The following SIK3 variants were observed in gnomAD, a reference collection of about 807,000 sequenced individuals.
The protein encoded by SIK3 is serine/threonine-protein kinase SIK3.
In SIK3, 28 loss-of-function variants were observed where a neutral mutation model predicts 144.2. The observed-to-expected ratio is 0.19, with a 90% CI of 0.14 to 0.27. SIK3 has a LOEUF of 0.27. Among genes scored for constraint, SIK3 ranks in the 10% least tolerant of loss-of-function variants. SIK3 has a pLI of 1.00. For missense variants in SIK3, 1,319 were observed against 1,776.0 expected (o/e 0.74, Z 4.62); for synonymous variants, 686 against 676.3 (o/e 1.01, Z -0.22).
intron 1 of SIK3, among the ~76,000 whole-genome samples, chr11:117,077,498 T>C (rs565108585): frequency 6.6e-6 from 1 of 152,346 alleles, no homozygotes; most frequent in Admixed American, 6.5e-5. Context: ...CTCTTTCTTT[T>C]CCTAATAGCT....
chr11:116,985,879 A>G (rs899158064), intron 1 of SIK3, among the ~76,000 whole-genome samples: 2 of 152,218 alleles, frequency 1.3e-5, no homozygotes, highest in Non-Finnish European at 2.9e-5. Context: ...GAAATTGAAG[A>G]ATTTACTGAC....
At chr11:116,982,048 A>T (rs1052260485) in intron 1 of SIK3, among the ~76,000 whole-genome samples, 1 of 152,120 alleles carries the variant, frequency 6.6e-6, no homozygotes, top group Admixed American at 6.5e-5. Flanking sequence ...CCCCTCTCCA[A>T]CCAGATCCAA....
At chr11:116,919,874 T>G (rs1946865821) in intron 4 of SIK3, among the ~76,000 whole-genome samples, 1 of 152,198 alleles carries the variant, frequency 6.6e-6, no homozygotes. Flanking sequence ...TCTCGCTTGC[T>G]TTCTCTCTTG....
At chr11:116,954,193 T>C (rs1470339027) in intron 2 of SIK3, 86 bp from the exon 3 acceptor site, 4 of 1,022,220 alleles carry the variant, frequency 3.9e-6, no homozygotes, top group Non-Finnish European at 6.0e-6. Context: ...TCTTTTCTCA[T>C]TTGAAATATT....
chr11:117,077,613 AACAAATC>A (rs1441007248), intron 1 of SIK3, among the ~76,000 whole-genome samples: 2 of 152,156 alleles, frequency 1.3e-5, no homozygotes, highest in East Asian at 3.8e-4. Context: ...TCTCAAGGGT[AACAAATC>A]AACAAGAGAT....
chr11:117,023,619 A>ATATATATATATATATATATATAT (rs374740569), intron 1 of SIK3, among the ~76,000 whole-genome samples: 6 of 99,802 alleles, frequency 6.0e-5, no homozygotes, highest in South Asian at 3.0e-4. Context: ...CAAAAAAAAA[A>ATATATATATATATATATATATAT]AAATATATAT....
chr11:117,055,518 T>C (rs530818722), intron 1 of SIK3, among the ~76,000 whole-genome samples: 6 of 152,224 alleles, frequency 3.9e-5, no homozygotes, highest in Middle Eastern at 6.8e-3. Flanking sequence ...CTGGTTTGGA[T>C]GAGGGAACAG....
At chr11:116,876,774 C>G in intron 7 of SIK3, 150 bp downstream of exon 7, 1 of 672,492 alleles carries the variant, frequency 1.5e-6, no homozygotes, top group Non-Finnish European at 2.7e-6. Flanking sequence ...TTTTACATTC[C>G]TTCTTGCTTG....
At chr11:117,070,757 T>C (rs1038019747) in intron 1 of SIK3, among the ~76,000 whole-genome samples, 14 of 139,078 alleles carry the variant, frequency 1.0e-4, no homozygotes, top group Middle Eastern at 7.7e-3. Context: ...TTTTTCTTTT[T>C]TTTTTTTTTT....
intron 4 of SIK3, among the ~76,000 whole-genome samples, chr11:116,914,301 T>C (rs1946499231): frequency 6.6e-6 from 1 of 150,662 alleles, no homozygotes; most frequent in Non-Finnish European, 1.5e-5. Context: ...CTCCACCTCC[T>C]GGGTTCAAGC....
chr11:116,966,685 T>C (rs908115235), intron 1 of SIK3, among the ~76,000 whole-genome samples: 1 of 132,790 alleles, frequency 7.5e-6, no homozygotes, highest in Non-Finnish European at 1.6e-5. Context: ...TTTAAAAAAG[T>C]AGTTTATTTC....
chr11:116,990,960 G>T (rs1003064022), intron 1 of SIK3, among the ~76,000 whole-genome samples: 3 of 152,152 alleles, frequency 2.0e-5, no homozygotes, highest in Non-Finnish European at 4.4e-5. Context: ...TACATTTACA[G>T]TGTGTCAAGA....
chr11:116,967,697 T>A (rs562381187), intron 1 of SIK3, among the ~76,000 whole-genome samples: 41 of 152,304 alleles, frequency 2.7e-4, no homozygotes, highest in African/African-American at 9.9e-4. Flanking sequence ...TTGTAATGCA[T>A]CCTCGGATGT....
intron 1 of SIK3, among the ~76,000 whole-genome samples, chr11:117,019,405 A>G (rs1951672629): frequency 6.6e-6 from 1 of 152,246 alleles, no homozygotes. Context: ...GGACACCAAT[A>G]CAAGTACTAA....
chr11:117,086,588 G>C, intron 1 of SIK3, among the ~76,000 whole-genome samples: 1 of 152,216 alleles, frequency 6.6e-6, no homozygotes, highest in Admixed American at 6.5e-5. Context: ...CTACCTGGGA[G>C]GCTGAGGCAG....
rs189253487 is a variant in SIK3 at position 116,920,964 on chromosome 11, T to C, written c.616+6255A>G. 8.5e-5 allele frequency among the ~76,000 whole-genome samples: 13 copies of C among 152,364 alleles called. No homozygotes were observed. In the East Asian group the frequency reaches 2.1e-3, roughly 25 times the overall value. ...ACATGCCTTGTAACATCTCTTCTAT[T>C]GTATCCAACTATAATTTGGTAGCTG... On this transcript the variant is annotated intron_variant, in intron 4 of 24. Coordinates refer to ENST00000445177, the MANE Select transcript of SIK3 (RefSeq NM_001366686.3).
chr11:117,056,368 C>A (rs542747881), intron 1 of SIK3, among the ~76,000 whole-genome samples: 16 of 151,836 alleles, frequency 1.1e-4, no homozygotes, highest in Admixed American at 5.2e-4. Context: ...CACACTGGGG[C>A]CTGTTGTGAG....
chr11:117,044,874 C>A (rs1034844768), intron 1 of SIK3, among the ~76,000 whole-genome samples: 2 of 152,100 alleles, frequency 1.3e-5, no homozygotes, highest in Non-Finnish European at 1.5e-5. Flanking sequence ...CAGAGCAAGA[C>A]CCCCATTTCT....
intron 1 of SIK3, among the ~76,000 whole-genome samples, chr11:117,010,268 C>T (rs979195348): frequency 1.3e-5 from 2 of 152,284 alleles, no homozygotes; most frequent in South Asian, 2.1e-4. Context: ...ATTCCAAATA[C>T]CTATAGCACT....
Sources: allele counts gnomAD v4.1 joint callset (sites outside exome capture counted in the v4.1 genomes callset), GRCh38; gene constraint gnomAD v4.1.1; transcripts MANE v1.5; gene names NCBI Gene and HGNC (gene_info 2026-07-23, HGNC 2026-07-21).